Variants in PTGER4 observed in about 807,000 individuals in gnomAD.
PTGER4 encodes the protein prostaglandin E2 receptor EP4 subtype.
A neutral mutation model predicts 33.2 loss-of-function variants in PTGER4; 11 were observed. The observed-to-expected ratio is 0.33, with a 90% CI of 0.21 to 0.55. The LOEUF (loss-of-function observed/expected upper bound fraction) is 0.55, where lower values mean the gene tolerates loss of function less well. PTGER4 is among the 20% of genes least tolerant of loss of function. PTGER4 has a pLI of 0.92. For missense variants in PTGER4, 481 were observed against 650.2 expected, an observed-to-expected ratio of 0.74 and a Z score of 2.83; for synonymous variants, 275 against 281.5, an observed-to-expected ratio of 0.98 and a Z score of 0.23.
chr5:40,745,512 C>T, the PTGER4 span, among the ~76,000 whole-genome samples: 6 of 151,678 alleles, frequency 4.0e-5, no homozygotes, highest in Admixed American at 6.6e-5. Flanking sequence ...AGAGGAAATA[C>T]GAGATTGTCC....
the PTGER4 span, among the ~76,000 whole-genome samples, chr5:40,700,673 T>C: frequency 6.0e-4 from 92 of 152,270 alleles, no homozygotes; most frequent in African/African-American, 2.1e-3. Flanking sequence ...GCTGACTCTA[T>C]GATGGGGAAG....
chr5:40,708,199 G>C, the PTGER4 span, among the ~76,000 whole-genome samples: 1 of 152,130 alleles, frequency 6.6e-6, no homozygotes, highest in African/African-American at 2.4e-5. Flanking sequence ...AACTAAAGGA[G>C]ATAGAGACAC....
the PTGER4 span, chr5:40,730,168 TG>T: frequency 2.2e-6 from 2 of 907,498 alleles, no homozygotes; most frequent in Non-Finnish European, 3.4e-6. Context: ...TAAAAGAAAA[TG>T]GGAGAAAATG....
chr5:40,742,501 G>A, the PTGER4 span, among the ~76,000 whole-genome samples: 1 of 152,162 alleles, frequency 6.6e-6, no homozygotes, highest in African/African-American at 2.4e-5. Context: ...TGCAAAGCTG[G>A]TCAACAGCAG....
In PTGER4 at chr5:40,681,438, C is replaced by T. The variant is rs750859514; in HGVS notation, c.445C>T (p.Leu149Phe). ...CTTTGCAGTCTATGCGTCCAACGTG[C>T]TCTTTTGCGCGCTGCCCAACATGGG... ...TLFAVYASNVLFCALPNMGLG... is the reference protein window; with the variant it reads ...TLFAVYASNVFFCALPNMGLG... Residue 149 changes from leucine to phenylalanine, a missense_variant, in exon 2 of 3, where the codon CTC becomes TTC. Transcript: ENST00000302472. The surrounding 1 kb of genome is among the most constrained non-coding windows in gnomAD (Gnocchi z 9.8). 4.3e-6 allele frequency: 7 copies of T among 1,613,914 alleles called. No homozygotes were observed. The highest frequency in any genetic ancestry group is 5.1e-6 in the Non-Finnish European group (6 of 1,180,040).
At chr5:40,725,405 T>A in the PTGER4 span, among the ~76,000 whole-genome samples, 2 of 152,182 alleles carry the variant, frequency 1.3e-5, no homozygotes, top group Non-Finnish European at 2.9e-5. Flanking sequence ...ATGATGCAAC[T>A]GAAATTTCTA....
chr5:40,687,008 C>T (rs760731962), intron 2 of PTGER4, among the ~76,000 whole-genome samples: 8 of 152,110 alleles, frequency 5.3e-5, no homozygotes, highest in Non-Finnish European at 1.2e-4. Context: ...AAAGGAGATA[C>T]GTTGTTTGTA....
chr5:40,734,140 T>A, the PTGER4 span, among the ~76,000 whole-genome samples: 4 of 152,220 alleles, frequency 2.6e-5, no homozygotes, highest in African/African-American at 4.8e-5. Flanking sequence ...TTCACTATCA[T>A]CAACTTATTC....
the PTGER4 span, chr5:40,728,513 T>C: frequency 6.4e-7 from 1 of 1,556,746 alleles, no homozygotes; most frequent in South Asian, 1.2e-5. Flanking sequence ...CTGTCAGTAA[T>C]ATTCATAAAC....
chr5:40,712,749 G>C, the PTGER4 span, among the ~76,000 whole-genome samples: 1 of 152,176 alleles, frequency 6.6e-6, no homozygotes, highest in African/African-American at 2.4e-5. Flanking sequence ...CTGGTGAAGT[G>C]AGAGAAAGAG....
chr5:40,686,425 C>A (rs774611056), intron 2 of PTGER4, among the ~76,000 whole-genome samples: 6 of 152,188 alleles, frequency 3.9e-5, no homozygotes, highest in Admixed American at 6.5e-5. Flanking sequence ...ATTATTGATA[C>A]CTTCCACACT....
the PTGER4 span, chr5:40,746,714 A>G: frequency 2.0e-6 from 2 of 1,011,564 alleles, no homozygotes; most frequent in African/African-American, 1.6e-5. Flanking sequence ...GAATTTATCA[A>G]ATTCATAACT....
In PTGER4 at chr5:40,680,859, TA is replaced by T. The variant is rs1369823432; in HGVS notation, c.-43-91del. On this transcript the variant is annotated intron_variant, in intron 1 of 2. Transcript: ENST00000302472. The surrounding 1 kb of genome is among the most constrained non-coding windows in gnomAD (Gnocchi z 5.5). The stretch of plus-strand genomic sequence containing the variant: ...TAGGATCGAGTTGCTCCCCTTGTCT[TA>T]TCAGTGTATCGTTTCTCGGGCGCGG... The T allele has an allele frequency of 8.8e-7, 1 of 1,131,446 alleles. No homozygotes were observed. Among genetic ancestry groups the T allele is most frequent in the African/African-American group, 1.6e-5 (1 of 64,202 alleles). 70.1% of individuals were successfully genotyped at this position (1,131,446 alleles called of 1,614,324 possible).
At chr5:40,697,263 AAAG>A (rs1741630635), downstream of PTGER4, among the ~76,000 whole-genome samples, 2 of 126,280 alleles carry the variant, frequency 1.6e-5, no homozygotes, top group Non-Finnish European at 3.7e-5. Flanking sequence ...AGAAAGAAAG[AAAG>A]AAAGAAAGAA....
In PTGER4 at chr5:40,691,434, C is replaced by A. The variant is rs557801722; in HGVS notation, c.868-345C>A. Among the ~76,000 whole-genome samples the A allele has an allele frequency of 6.6e-6, 1 of 152,344 alleles. No homozygotes were observed. The stretch of plus-strand genomic sequence containing the variant: ...TGACCTAGTGATCCGCCTACCTCGG[C>A]CTACCAAAATGCTGGGATTACAGGC... On this transcript the variant is annotated intron_variant, in intron 2 of 2. Coordinates refer to ENST00000302472, the MANE Select transcript of PTGER4 (RefSeq NM_000958.3). The surrounding 1 kb of genome is among the most constrained non-coding windows in gnomAD (Gnocchi z 4.2).
rs1741514689 is a variant in PTGER4, at chr5:40,693,150, T to C, written c.*772T>C. ...GTATAAAATACATAGTGAAAATTGT[T>C]TAGTGATATTACATTTATTTATCCA... On this transcript the variant is annotated 3_prime_UTR_variant, in exon 3 of 3. Coordinates refer to ENST00000302472, the MANE Select transcript of PTGER4 (RefSeq NM_000958.3). 1 of 960,408 alleles carries C rather than the reference T, an allele frequency of 1.0e-6. No homozygotes were observed. Among genetic ancestry groups the C allele is most frequent in the Non-Finnish European group, 1.2e-6 (1 of 806,956 alleles). The allele number at this position is 960,408 out of a possible 1,614,324, so 59.5% of individuals were successfully genotyped here. A position where few individuals can be genotyped will look rare whatever the true frequency, so the allele number is the denominator to read the frequency against.
chr5:40,732,853 C>G, the PTGER4 span, among the ~76,000 whole-genome samples: 2 of 152,088 alleles, frequency 1.3e-5, no homozygotes, highest in Admixed American at 1.3e-4. Flanking sequence ...ACTGATCTGC[C>G]CGCCTCGGCC....
downstream of PTGER4, among the ~76,000 whole-genome samples, chr5:40,695,450 G>A (rs1352563936): frequency 1.3e-5 from 2 of 152,088 alleles, no homozygotes; most frequent in African/African-American, 4.8e-5. Context: ...GCTGAGTGAG[G>A]CAGGAGAATC....
downstream of PTGER4, among the ~76,000 whole-genome samples, chr5:40,697,214 AAAAG>A (rs1264685416): frequency 1.3e-4 from 17 of 126,296 alleles, no homozygotes; most frequent in African/African-American, 4.0e-4. Context: ...GAAAGAAAGA[AAAAG>A]AAAGAAGAAA....
Sources: allele counts gnomAD v4.1 joint callset (sites outside exome capture counted in the v4.1 genomes callset), GRCh38; gene constraint gnomAD v4.1.1; non-coding constraint Gnocchi (gnomAD v3.1); transcripts MANE v1.5; gene names NCBI Gene and HGNC (gene_info 2026-07-23, HGNC 2026-07-21).